JAKMIP3: variants seen among roughly 807,000 people sequenced by gnomAD.
JAKMIP3 encodes the protein janus kinase and microtubule-interacting protein 3.
In JAKMIP3, 58 loss-of-function variants were observed where a neutral mutation model predicts 118.5. The observed-to-expected ratio is 0.49, with a 90% CI of 0.40 to 0.61. The LOEUF is 0.61. Among genes scored for constraint, JAKMIP3 ranks in the 20% least tolerant of loss-of-function variants. The pLI is 0.00. For synonymous variants in JAKMIP3, 486 were observed against 451.2 expected (o/e 1.08, Z -0.98); for missense variants, 950 against 1,109.0 (o/e 0.86, Z 2.04).
In JAKMIP3 at chr10:132,117,418, C is replaced by T. The variant is rs751033443; in HGVS notation, c.477C>T (p.Ser159=). The T allele has an allele frequency of 1.6e-5, 26 of 1,613,848 alleles. No homozygotes were observed. The highest frequency in any genetic ancestry group is 1.1e-4 in the East Asian group (5 of 44,878). The stretch of plus-strand genomic sequence containing the variant: ...AGGTCAAGATGCAGCAGGAGATCTC[C>T]GAGCTCAAGGGCGCCAAAAGGCAGG... The part of the protein sequence containing the change: ...VEKVKMQQEI[S]ELKGAKRQVE... The change falls in exon 3 of 24, where the codon TCC becomes TCT. Residue 159 remains serine, a synonymous_variant. Transcript: ENST00000684848. This position sits in a 1 kb window ranked among gnomAD's most constrained non-coding sequence, Gnocchi z 8.6.
At chr10:132,150,641 C>T (rs1029413159) in intron 16 of JAKMIP3, among the ~76,000 whole-genome samples, 3 of 152,144 alleles carry the variant, frequency 2.0e-5, no homozygotes, top group Non-Finnish European at 2.9e-5. Context: ...GTAATCCATC[C>T]ATCCATCCTC....
chr10:132,153,549 G>C (rs1407369837), intron 17 of JAKMIP3, among the ~76,000 whole-genome samples: 1 of 152,188 alleles, frequency 6.6e-6, no homozygotes, highest in Non-Finnish European at 1.5e-5. Flanking sequence ...GAAGGTGTCA[G>C]GGGTAGACTT....
chr10:132,137,149 A>G lies in JAKMIP3; in HGVS notation c.1247A>G (p.Lys416Arg). 6.2e-7 allele frequency: 1 copy of G among 1,613,936 alleles called. No homozygotes were observed. Among genetic ancestry groups the G allele is most frequent in the Non-Finnish European group, 8.5e-7 (1 of 1,179,866 alleles). Residue 416 changes from lysine (K) to arginine (R), a missense_variant and splice_region_variant, in exon 7 of 24, where the codon AAG (lysine) becomes AGG (arginine). By Grantham distance (26) the Lys-to-Arg change is conservative. Coordinates refer to ENST00000684848, the MANE Select transcript of JAKMIP3 (RefSeq NM_001323087.2). The stretch of plus-strand genomic sequence containing the variant: ...CAAAACCTCATAGATGAACTGTCTA[A>G]GGTACCCGGCGGGCTGTTTGCTGCG... ...EQQNLIDELS[K>R]TLETAGYVKS...
At chr10:132,080,983 T>C (rs2041693808) in intron 1 of JAKMIP3, among the ~76,000 whole-genome samples, 1 of 152,246 alleles carries the variant, frequency 6.6e-6, no homozygotes, top group African/African-American at 2.4e-5. Context: ...CTATTTTTAC[T>C]CTTATTGCCT....
In JAKMIP3 at chr10:132,168,245, G is replaced by A. The variant is rs1252667588; in HGVS notation, c.*315G>A. 1 of 1,289,326 alleles carries A rather than the reference G, an allele frequency of 7.8e-7. No homozygotes were observed. Among genetic ancestry groups the A allele is most frequent in the Middle Eastern group, 2.1e-4 (1 of 4,696 alleles). The allele number at this position is 1,289,326 out of a possible 1,614,324, so 79.9% of individuals were successfully genotyped here. On this transcript the variant is annotated 3_prime_UTR_variant, in exon 23 of 24. Coordinates refer to ENST00000684848, the MANE Select transcript of JAKMIP3 (RefSeq NM_001323087.2). ...ACGGCAGCCCCCATCCCATTTCCAG[G>A]GATGTGTAGCATTCCCTGCCAAGCA...
chr10:132,157,034 T>C (rs911909536), intron 19 of JAKMIP3, among the ~76,000 whole-genome samples: 1 of 152,112 alleles, frequency 6.6e-6, no homozygotes, highest in Non-Finnish European at 1.5e-5. Flanking sequence ...GGGATACACA[T>C]AGTATCTTTG....
At chr10:132,180,658 C>T (rs28497301) in intron 23 of JAKMIP3, among the ~76,000 whole-genome samples, 342 of 8,388 alleles carry the variant, frequency 0.041, 37 homozygotes, top group Admixed American at 0.063. Context: ...TGTGCGTGTG[C>T]GTGTGTGCGT....
intron 1 of JAKMIP3, among the ~76,000 whole-genome samples, chr10:132,038,188 A>T (rs2037579401): frequency 6.6e-6 from 1 of 152,204 alleles, no homozygotes; most frequent in African/African-American, 2.4e-5. Flanking sequence ...GTCAATTTCC[A>T]ATGATAGCCA....
chr10:132,122,478 G>A (rs2135457248), intron 3 of JAKMIP3, among the ~76,000 whole-genome samples: 1 of 152,404 alleles, frequency 6.6e-6, no homozygotes. Flanking sequence ...AGAGACTGGA[G>A]GGGCCACACA....
chr10:132,174,399 A>G (rs1291099375), intron 23 of JAKMIP3, among the ~76,000 whole-genome samples: 1 of 151,588 alleles, frequency 6.6e-6, no homozygotes, highest in Admixed American at 6.6e-5. Context: ...GGTGGGCTCA[A>G]TGGCCTCCGT....
intron 3 of JAKMIP3, among the ~76,000 whole-genome samples, chr10:132,130,475 C>T (rs1440979408): frequency 6.6e-6 from 1 of 152,198 alleles, no homozygotes; most frequent in African/African-American, 2.4e-5. Flanking sequence ...GGAGGGAGGG[C>T]CCCCCTGAGG....
At chr10:132,084,732 C>T (rs1453137421) in intron 1 of JAKMIP3, among the ~76,000 whole-genome samples, 1 of 152,148 alleles carries the variant, frequency 6.6e-6, no homozygotes, top group Non-Finnish European at 1.5e-5. Flanking sequence ...GCTTTTAATA[C>T]ATTGAGTTAT....
In JAKMIP3 at chr10:132,068,673, C is replaced by T. The variant is rs113650644; in HGVS notation, c.-138+2612C>T. On this transcript the variant is annotated intron_variant, in intron 1 of 23. Coordinates refer to ENST00000684848, the MANE Select transcript of JAKMIP3 (RefSeq NM_001323087.2). The stretch of plus-strand genomic sequence containing the variant: ...TGCCTGGGCCTGCTTTCTTTGCAGA[C>T]GTCTTATATTTATCAAACCTGTGCT... 7.9e-3 allele frequency among the ~76,000 whole-genome samples: 1,196 copies of T among 152,238 alleles called. 17 individuals carry two copies. The highest frequency in any genetic ancestry group is 0.027 in the African/African-American group (1,119 of 41,528).
intron 2 of JAKMIP3, among the ~76,000 whole-genome samples, chr10:132,114,362 G>T (rs187185995): frequency 1.2e-3 from 179 of 152,322 alleles, no homozygotes; most frequent in Non-Finnish European, 1.6e-3. Context: ...CTACAGGCGT[G>T]CATCACTGCA....
intron 1 of JAKMIP3, among the ~76,000 whole-genome samples, chr10:132,076,054 AT>A (rs2040736067): frequency 6.6e-6 from 1 of 152,188 alleles, no homozygotes. Context: ...TCAAGTGTGC[AT>A]TCACGGGATC....
At chr10:132,045,565 G>A (rs564389574) in intron 1 of JAKMIP3, among the ~76,000 whole-genome samples, 3 of 152,256 alleles carry the variant, frequency 2.0e-5, no homozygotes, top group South Asian at 4.2e-4. Context: ...AGAGGGAAGT[G>A]TACTGAGGTC....
At chr10:132,051,194 C>T (rs2038094795) in intron 1 of JAKMIP3, among the ~76,000 whole-genome samples, 1 of 149,870 alleles carries the variant, frequency 6.7e-6, no homozygotes, top group Non-Finnish European at 1.5e-5. Context: ...TGGGTACCTG[C>T]CTGTCTTTCC....
intron 1 of JAKMIP3, among the ~76,000 whole-genome samples, chr10:132,086,979 G>A (rs2042478766): frequency 6.6e-6 from 1 of 152,168 alleles, no homozygotes; most frequent in South Asian, 2.1e-4. Context: ...ATGCTTTTAA[G>A]AGGTTCTGTT....
At chr10:132,165,525 G>A (rs2058808064) in intron 21 of JAKMIP3, among the ~76,000 whole-genome samples, 1 of 152,200 alleles carries the variant, frequency 6.6e-6, no homozygotes, top group Non-Finnish European at 1.5e-5. Context: ...CTCCCTCCGA[G>A]GGCTGAATGA....
Sources: gnomAD v4.1 joint callset for allele counts (sites outside exome capture counted in the v4.1 genomes callset) on GRCh38, gnomAD v4.1.1 for gene constraint, Gnocchi (gnomAD v3.1) non-coding constraint, MANE v1.5 for transcripts, NCBI Gene and HGNC (gene_info 2026-07-23, HGNC 2026-07-21) for gene names.